Variants in PECAM1 observed in about 807,000 individuals in gnomAD.
PECAM1 encodes platelet endothelial cell adhesion molecule.
PECAM1 carries 8 observed loss-of-function variants against 13.8 expected under a neutral mutation model. The ratio of observed to expected loss-of-function variants is 0.58; its 90% CI spans 0.34 to 1.05. The LOEUF (loss-of-function observed/expected upper bound fraction) is 1.05. PECAM1 is among the 50% of genes least tolerant of loss of function. PECAM1 has a pLI of 0.03. For synonymous variants in PECAM1, 136 were observed against 52.6 expected (o/e 2.58, Z -6.86); for missense variants, 304 against 141.2 (o/e 2.15, Z -5.84).
chr17:64,353,940 C>CTT (rs11446231), intron 9 of PECAM1, among the ~76,000 whole-genome samples: 75 of 130,110 alleles, frequency 5.8e-4, no homozygotes, highest in African/African-American at 1.9e-3. Flanking sequence ...CTCTCTCTCT[C>CTT]TTTTTTTTTT....
chr17:64,384,506 C>G (rs1396413829), intron 2 of PECAM1, among the ~76,000 whole-genome samples: 1 of 152,170 alleles, frequency 6.6e-6, no homozygotes, highest in African/African-American at 2.4e-5. Context: ...CAGCTTTTAT[C>G]CTGATCACTC....
intron 14 of PECAM1, among the ~76,000 whole-genome samples, chr17:64,338,881 G>A (rs2035353352): frequency 6.6e-6 from 1 of 152,066 alleles, no homozygotes; most frequent in Non-Finnish European, 1.5e-5. Flanking sequence ...TAGACCCCAA[G>A]TGCTAACCAC....
rs2034800206 is a variant in PECAM1 at position 64,320,772 on chromosome 17, GCAAA to G, written c.*3040_*3043del. ...AGCATGATGAGCACAAGCTTGTTGA[GCAAA>G]CAGACAAATAACTGGATGCTTCTGT... On this transcript the variant is annotated 3_prime_UTR_variant, in exon 16 of 16. Coordinates refer to ENST00000563924, the MANE Select transcript of PECAM1 (RefSeq NM_000442.5). 1 of 152,242 alleles carries G rather than the reference GCAAA, an allele frequency of 6.6e-6. No homozygotes were observed. Among genetic ancestry groups the G allele is most frequent in the African/African-American group, 2.4e-5 (1 of 41,456 alleles). The allele number at this position is 152,242 out of a possible 1,614,324, so 9.4% of individuals were successfully genotyped here. A position where few individuals can be genotyped will look rare whatever the true frequency, so the allele number is the denominator to read the frequency against.
At chr17:64,360,618 G>GTGTGTGTGTGTGTGT (rs879077732) in intron 6 of PECAM1, among the ~76,000 whole-genome samples, 1 of 147,448 alleles carries the variant, frequency 6.8e-6, no homozygotes. Context: ...GTGTGTGTGT[G>GTGTGTGTGTGTGTGT]GTGAGAAGGG....
chr17:64,377,351 C>T (rs1033546462), intron 3 of PECAM1, among the ~76,000 whole-genome samples: 32 of 152,128 alleles, frequency 2.1e-4, no homozygotes, highest in Middle Eastern at 3.4e-3. Context: ...ATTTATGAGA[C>T]GAGATGAAGA....
intron 14 of PECAM1, among the ~76,000 whole-genome samples, chr17:64,332,507 C>G (rs1017519930): frequency 2.6e-5 from 4 of 152,152 alleles, no homozygotes; most frequent in Non-Finnish European, 4.4e-5. Flanking sequence ...CAATCATCAC[C>G]AAAGTTGAAT....
intron 2 of PECAM1, among the ~76,000 whole-genome samples, chr17:64,380,422 G>C (rs1163626146): frequency 6.6e-6 from 1 of 152,114 alleles, no homozygotes; most frequent in Admixed American, 6.5e-5. Context: ...CATAAAACCA[G>C]GTGTTTTTCC....
chr17:64,366,952 T>C (rs1354062079), intron 5 of PECAM1, among the ~76,000 whole-genome samples: 2 of 142,280 alleles, frequency 1.4e-5, no homozygotes, highest in Non-Finnish European at 3.0e-5. Context: ...TGTGCACATG[T>C]ACCCTAAAAC....
intron 2 of PECAM1, among the ~76,000 whole-genome samples, chr17:64,389,043 C>T (rs1213166993): frequency 6.6e-6 from 1 of 152,174 alleles, no homozygotes; most frequent in Non-Finnish European, 1.5e-5. Flanking sequence ...TATCCTGCCT[C>T]CGTGGGTTGC....
At position 64,373,869 on chromosome 17, in the gene PECAM1, C is replaced by A. The variant is rs1041112705; in HGVS notation, c.691+1182G>T. ...ATGGGTGTGCCTTCCCCTGACTTCT[C>A]CCGGCTTGGCAAATGAGACCGGGTC... is the stretch of plus-strand genomic sequence containing the variant. On this transcript the variant is annotated intron_variant, in intron 4 of 15. Coordinates refer to ENST00000563924, the MANE Select transcript of PECAM1 (RefSeq NM_000442.5). 8.5e-3 allele frequency among the ~76,000 whole-genome samples: 1,290 copies of A among 152,238 alleles called. 12 individuals carry two copies. The highest frequency in any genetic ancestry group is 0.028 in the African/African-American group (1,157 of 41,530).
intron 14 of PECAM1, among the ~76,000 whole-genome samples, chr17:64,332,103 A>C (rs2035138849): frequency 6.6e-6 from 1 of 152,160 alleles, no homozygotes; most frequent in South Asian, 2.1e-4. Flanking sequence ...ACCCTGTCTT[A>C]TCACAAGTCC....
At chr17:64,387,658 G>C (rs968616616) in intron 2 of PECAM1, among the ~76,000 whole-genome samples, 3 of 152,174 alleles carry the variant, frequency 2.0e-5, no homozygotes, top group Admixed American at 6.5e-5. Context: ...CCGAGGCCGG[G>C]AGGGAAACCG....
chr17:64,390,533 A>AT lies in PECAM1; in HGVS notation c.65-19_65-18insA. The AT allele has an allele frequency of 2.1e-6, 1 of 474,390 alleles. No individual in the cohort carries two copies. Among genetic ancestry groups the AT allele is most frequent in the South Asian group, 6.8e-5 (1 of 14,704 alleles). 29.4% of individuals were successfully genotyped at this position (474,390 alleles called of 1,614,324 possible). A position where few individuals can be genotyped will look rare whatever the true frequency, so the allele number is the denominator to read the frequency against. On this transcript the variant is annotated intron_variant, in intron 1 of 15. Coordinates refer to ENST00000563924, the MANE Select transcript of PECAM1 (RefSeq NM_000442.5). ...GCTTGAACCTGCAAGAAACATAAGA[A>AT]ACATGTTGATTCCAGAAGCTTCGAT...
At chr17:64,324,389 C>A (rs1397260727) in intron 15 of PECAM1, among the ~76,000 whole-genome samples, 3 of 152,180 alleles carry the variant, frequency 2.0e-5, no homozygotes, top group Non-Finnish European at 4.4e-5. Context: ...ATGTATTTCT[C>A]CTTCTCTCCA....
Position 64,352,458 on chromosome 17 carries a change from G to C in PECAM1, c.1922C>G (p.Ala641Gly). The C allele has an allele frequency of 4.2e-6, 2 of 474,950 alleles. No homozygotes were observed. Among genetic ancestry groups the C allele is most frequent in the Non-Finnish European group, 7.7e-6 (2 of 258,902 alleles). 29.4% of individuals were successfully genotyped at this position (474,950 alleles called of 1,614,324 possible). Residue 641 changes from alanine to glycine, a missense_variant, in exon 11 of 16, where the codon GCA becomes GGA. Physicochemically the swap from Ala to Gly is moderately conservative, Grantham distance 60 (BLOSUM62 0). Transcript: ENST00000563924. Reference sequence around the variant, plus strand: ...GTTGTTGGAGTTCAGAAGTGGTACTGCTGGCCTTAAAATGAAATATAAAAA... The same window carrying C: ...GTTGTTGGAGTTCAGAAGTGGTACTCCTGGCCTTAAAATGAAATATAAAAA... ...KQMPVEMSRP[A>G]VPLLNSNNEK...
chr17:64,345,862 T>C (rs1430865543), intron 13 of PECAM1, among the ~76,000 whole-genome samples: 2 of 151,288 alleles, frequency 1.3e-5, no homozygotes, highest in Admixed American at 6.6e-5. Flanking sequence ...GCTATGGGAA[T>C]GTGCCCCAGT....
At chr17:64,361,753 C>CAA (rs61144320) in intron 6 of PECAM1, among the ~76,000 whole-genome samples, 1,752 of 67,524 alleles carry the variant, frequency 0.026, 89 homozygotes, top group East Asian at 0.086. Context: ...AACTCCATCT[C>CAA]AAAAAAAAAA....
intron 2 of PECAM1, among the ~76,000 whole-genome samples, chr17:64,389,269 G>A (rs1353419727): frequency 1.3e-5 from 2 of 152,156 alleles, no homozygotes; most frequent in South Asian, 2.1e-4. Flanking sequence ...AGTGACTTCT[G>A]ACAAGGAAAT....
chr17:64,329,843 A>G, intron 14 of PECAM1, 121 bp from the exon 15 acceptor site: 1 of 709,890 alleles, frequency 1.4e-6, no homozygotes, highest in Non-Finnish European at 2.6e-6. Context: ...GCCAGGAGAC[A>G]TCAGCCGGCA....
Sources: gnomAD v4.1 joint callset for allele counts (sites outside exome capture counted in the v4.1 genomes callset) on GRCh38, gnomAD v4.1.1 for gene constraint, MANE v1.5 for transcripts, NCBI Gene and HGNC (gene_info 2026-07-23, HGNC 2026-07-21) for gene names.